The following MEF2C variants were observed in gnomAD, a reference collection of about 807,000 sequenced individuals.
MEF2C encodes myocyte enhancer factor 2C.
A neutral mutation model predicts 50.5 loss-of-function variants in MEF2C; 6 were observed. That is an observed-to-expected ratio of 0.12 (90% CI 0.07 to 0.23). The LOEUF is 0.23. Ranked by LOEUF, MEF2C falls within the 10% of genes least tolerant of loss-of-function variation. MEF2C has a pLI of 1.00. For synonymous variants in MEF2C, 183 were observed against 228.0 expected, an observed-to-expected ratio of 0.80 and a Z score of 1.78; for missense variants, 276 against 605.0, an observed-to-expected ratio of 0.46 and a Z score of 5.70.
chr5:88,748,100 A>G, intron 6 of MEF2C: 1 of 985,086 alleles, frequency 1.0e-6, no homozygotes, highest in East Asian at 1.1e-4. Context: ...AAGAGCCAGC[A>G]TCAGAACAGA....
chr5:88,884,903 A>C (rs887508351), upstream of MEF2C, among the ~76,000 whole-genome samples: 1 of 152,228 alleles, frequency 6.6e-6, no homozygotes, highest in African/African-American at 2.4e-5. Flanking sequence ...GCCAAAGATA[A>C]AATACATCAA....
chr5:88,734,561 G>GTTTGTTTTTTTTTTTTTT, intron 6 of MEF2C: 6 of 253,864 alleles, frequency 2.4e-5, no homozygotes, highest in Non-Finnish European at 2.8e-5. Flanking sequence ...CTTGAGAAAA[G>GTTTGTTTTTTTTTTTTTT]TTTGTTTTTT....
At position 88,734,565 on chromosome 5, in the gene MEF2C, G is replaced by GT. The variant is rs66505441; in HGVS notation, c.638-2665dup. On this transcript the variant is annotated intron_variant, in intron 6 of 10. Transcript: ENST00000504921. ...TTCACGGAGGCCTTGAGAAAAGTTT[G>GT]TTTTTTTTTTTTTTTTTTTTTTTTT... 9.1e-3 allele frequency: 4,908 copies of GT among 539,558 alleles called. 127 individuals are homozygous for GT. Among genetic ancestry groups the GT allele is most frequent in the African/African-American group, 0.039 (832 of 21,480 alleles). The allele number at this position is 539,558 out of a possible 1,614,324, so 33.4% of individuals were successfully genotyped here. A position where few individuals can be genotyped will look rare whatever the true frequency, so the allele number is the denominator to read the frequency against.
chr5:88,740,554 CT>C, intron 6 of MEF2C: 1 of 984,778 alleles, frequency 1.0e-6, no homozygotes, highest in African/African-American at 1.7e-5. Context: ...AAGGAAGAGG[CT>C]TTGATTTGAA....
intron 6 of MEF2C, chr5:88,738,860 T>C (rs1359879475): frequency 1.0e-6 from 1 of 985,202 alleles, no homozygotes; most frequent in East Asian, 1.1e-4. Flanking sequence ...TCAAACCATA[T>C]TTCTGGTCTC....
intron 5 of MEF2C, chr5:88,750,099 C>A: frequency 1.3e-6 from 1 of 787,456 alleles, no homozygotes; most frequent in Non-Finnish European, 1.5e-6. Flanking sequence ...GTGAGAATAT[C>A]ATCTAGATTT....
At chr5:88,733,702 A>G (rs1762637670) in intron 6 of MEF2C, 1 of 985,188 alleles carries the variant, frequency 1.0e-6, no homozygotes, top group African/African-American at 1.7e-5. Context: ...ATGAATAAAC[A>G]GGCTGAATAT....
rs763316718 is a variant in MEF2C at position 88,718,506 on chromosome 5, T to C, written c.*4098A>G. 3.3e-5 allele frequency: 5 copies of C among 152,202 alleles called. No individual in the cohort carries two copies. Among genetic ancestry groups the C allele is most frequent in the Non-Finnish European group, 5.9e-5 (4 of 68,044 alleles). 9.4% of individuals were successfully genotyped at this position (152,202 alleles called of 1,614,324 possible). On this transcript the variant is annotated 3_prime_UTR_variant, in exon 11 of 11. Coordinates refer to ENST00000504921, the MANE Select transcript of MEF2C (RefSeq NM_002397.5). Reference sequence around the variant, plus strand: ...GCCCTCATTTACAAGCGATTTTAATTACTCTCATTTAATGGAAACAAGTCC... The same window carrying C: ...GCCCTCATTTACAAGCGATTTTAATCACTCTCATTTAATGGAAACAAGTCC...
intron 3 of MEF2C, among the ~76,000 whole-genome samples, chr5:88,785,041 C>G (rs1275232665): frequency 6.6e-6 from 1 of 152,092 alleles, no homozygotes; most frequent in East Asian, 1.9e-4. Context: ...TACACAGATA[C>G]AAGGACCTTG....
chr5:88,892,513 G>T (rs1477414301), intron 1 of MEF2C, among the ~76,000 whole-genome samples: 2 of 152,180 alleles, frequency 1.3e-5, no homozygotes, highest in African/African-American at 4.8e-5. Flanking sequence ...CTATACTGGG[G>T]TTATCACAGC....
chr5:88,852,595 G>A (rs973382101), intron 1 of MEF2C, among the ~76,000 whole-genome samples: 2 of 152,144 alleles, frequency 1.3e-5, no homozygotes, highest in African/African-American at 4.8e-5. Context: ...TTCTAGCTGG[G>A]CACGGTGGCT....
In MEF2C at chr5:88,730,198, T is replaced by C. The variant is rs559915488; in HGVS notation, c.834+13A>G. The C allele has an allele frequency of 5.1e-6, 8 of 1,581,512 alleles. 1 individual carries two copies. In the South Asian group the frequency reaches 8.1e-5, roughly 16 times the overall value. On this transcript the variant is annotated intron_variant, in intron 8 of 10. Transcript: ENST00000504921. The stretch of plus-strand genomic sequence containing the variant: ...TGCACATGCCATTTGAGGGAAGCGC[T>C]CTCACCACTTACCAAAAGCAGGTCG...
intron 1 of MEF2C, among the ~76,000 whole-genome samples, chr5:88,897,623 C>T (rs1055931465): frequency 1.3e-5 from 2 of 152,050 alleles, no homozygotes; most frequent in Non-Finnish European, 2.9e-5. Context: ...TTTTTTCTGG[C>T]TTTTCACTAG....
At chr5:88,743,576 T>C (rs1767909183) in intron 6 of MEF2C, 2 of 978,886 alleles carry the variant, frequency 2.0e-6, no homozygotes, top group South Asian at 9.5e-5. Context: ...CATAAAACAT[T>C]GCGTGTAAAT....
intron 6 of MEF2C, among the ~76,000 whole-genome samples, chr5:88,747,232 A>G (rs1306298984): frequency 6.6e-6 from 1 of 152,026 alleles, no homozygotes; most frequent in Non-Finnish European, 1.5e-5. Context: ...TTTATTTTCA[A>G]TATAGGATTC....
At chr5:88,884,477 T>G (rs537780118), upstream of MEF2C, 25 of 152,288 alleles carry the variant, frequency 1.6e-4, no homozygotes, top group Admixed American at 1.4e-3. Context: ...TACGAAATAA[T>G]AAAATAATTA....
chr5:88,764,059 A>G (rs1341119372), intron 3 of MEF2C, among the ~76,000 whole-genome samples: 1 of 152,186 alleles, frequency 6.6e-6, no homozygotes, highest in Non-Finnish European at 1.5e-5. Flanking sequence ...TTTAACCAAT[A>G]AATCTTATTG....
rs561573241 is a variant in MEF2C at position 88,869,871 on chromosome 5, G to A, written c.-143+13084C>T. Among the ~76,000 whole-genome samples the A allele has an allele frequency of 1.7e-3, 250 of 150,342 alleles. 1 individual carries two copies. Among genetic ancestry groups the A allele is most frequent in the African/African-American group, 5.7e-3 (234 of 40,874 alleles). On this transcript the variant is annotated intron_variant, in intron 1 of 10. Transcript: ENST00000504921. ...TTTGTGAAAGGATGGTGTATCACGC[G>A]TCTCTATATGGGCTAAGAAAGTTTT...
chr5:88,794,550 CAGAGGGAT>C (rs1795202541), intron 3 of MEF2C, among the ~76,000 whole-genome samples: 1 of 152,074 alleles, frequency 6.6e-6, no homozygotes, highest in Admixed American at 6.5e-5. Context: ...AGCCCTTTGT[CAGAGGGAT>C]AGATTGCACA....
Sources: gnomAD v4.1 joint callset for allele counts (sites outside exome capture counted in the v4.1 genomes callset) on GRCh38, gnomAD v4.1.1 for gene constraint, MANE v1.5 for transcripts, NCBI Gene and HGNC (gene_info 2026-07-23, HGNC 2026-07-21) for gene names.